The following MAPK4 variants were observed in gnomAD, a reference collection of about 807,000 sequenced individuals.
The protein encoded by MAPK4 is Erk3-related.
Under a neutral mutation model 47.7 loss-of-function variants are expected in MAPK4, and 22 were observed. That is an observed-to-expected ratio of 0.46 (90% CI 0.33 to 0.66). MAPK4 has a LOEUF of 0.66. MAPK4 is among the 30% of genes least tolerant of loss of function. MAPK4 has a pLI of 0.02. For missense variants in MAPK4, 736 were observed against 831.7 expected, an observed-to-expected ratio of 0.88 and a Z score of 1.42; for synonymous variants, 390 against 365.7, an observed-to-expected ratio of 1.07 and a Z score of -0.76.
Position 50,701,987 on chromosome 18 carries a change from C to G in MAPK4, c.547-13092C>G, listed in dbSNP as rs576606292. Among the ~76,000 whole-genome samples, 35 of 151,712 alleles carry G rather than the reference C, an allele frequency of 2.3e-4. No individual in the cohort carries two copies. In the Middle Eastern group the frequency reaches 0.014, roughly 59 times the overall value. ...ACCAGCCTGGGCAACATAGTGAAAC[C>G]CTGTCTCTACTAAAAACAGAAAAAA... On this transcript the variant is annotated intron_variant, in intron 2 of 5. Coordinates refer to ENST00000400384, the MANE Select transcript of MAPK4 (RefSeq NM_002747.4).
intron 1 of MAPK4, among the ~76,000 whole-genome samples, chr18:50,564,211 CT>C (rs1341434711): frequency 9.0e-5 from 10 of 111,086 alleles, no homozygotes; most frequent in Non-Finnish European, 1.9e-4. Flanking sequence ...AAGTTTAAAG[CT>C]TTATCGTTTG....
chr18:50,611,641 G>T (rs2042634957), intron 1 of MAPK4, among the ~76,000 whole-genome samples: 1 of 152,220 alleles, frequency 6.6e-6, no homozygotes, highest in Non-Finnish European at 1.5e-5. Flanking sequence ...TTGTTCCCTG[G>T]CCTCAGGGAA....
intron 2 of MAPK4, among the ~76,000 whole-genome samples, chr18:50,696,344 G>A (rs1449503737): frequency 6.6e-6 from 1 of 152,226 alleles, no homozygotes; most frequent in Non-Finnish European, 1.5e-5. Context: ...ATACAGGACA[G>A]GGGAACTGTA....
At chr18:50,595,256 G>A (rs78645524) in intron 1 of MAPK4, among the ~76,000 whole-genome samples, 3,982 of 152,282 alleles carry the variant, frequency 0.026, 168 homozygotes, top group African/African-American at 0.09. Context: ...AATGTTTATA[G>A]CAGCTTATTC....
chr18:50,640,704 G>T (rs561066994), intron 1 of MAPK4, among the ~76,000 whole-genome samples: 2 of 152,282 alleles, frequency 1.3e-5, no homozygotes, highest in Non-Finnish European at 2.9e-5. Context: ...GACCTCAGGT[G>T]ATCCACCCGC....
intron 1 of MAPK4, among the ~76,000 whole-genome samples, chr18:50,637,317 C>T (rs1487046879): frequency 6.6e-6 from 1 of 152,164 alleles, no homozygotes; most frequent in Non-Finnish European, 1.5e-5. Flanking sequence ...ATTCCATCTA[C>T]AAGCAAACAA....
chr18:50,564,021 T>C (rs1443817936), intron 1 of MAPK4, among the ~76,000 whole-genome samples: 2 of 152,126 alleles, frequency 1.3e-5, no homozygotes, highest in African/African-American at 4.8e-5. Context: ...AAAGTGACTT[T>C]CTTGGTGCTC....
rs540759822 is a variant in MAPK4 at position 50,580,733 on chromosome 18, C to T, written c.-871+20490C>T. On this transcript the variant is annotated intron_variant, in intron 1 of 5. Transcript: ENST00000400384. ...TTACTGTTGGCCCTGCTCCGTGGAACAGCACTAGAATATAAACTGCCATAT... is the reference window on the plus strand; with the variant it reads ...TTACTGTTGGCCCTGCTCCGTGGAATAGCACTAGAATATAAACTGCCATAT... Among the ~76,000 whole-genome samples the T allele has an allele frequency of 3.3e-5, 5 of 152,330 alleles. No individual in the cohort carries two copies. The East Asian group carries it at 9.6e-4, about 29-fold the overall frequency.
Position 50,720,167 on chromosome 18 carries a change from C to G in MAPK4, c.692-1771C>G, listed in dbSNP as rs925790453. 2.8e-4 allele frequency among the ~76,000 whole-genome samples: 43 copies of G among 152,138 alleles called. 1 individual carries two copies. Among genetic ancestry groups the G allele is most frequent in the Admixed American group, 2.1e-3 (32 of 15,276 alleles). On this transcript the variant is annotated intron_variant, in intron 3 of 5. Transcript: ENST00000400384. ...TAGACTCAGTGTTAAGATGCCTCCC[C>G]CAAGTGACGTCTGTCACAAAGAATC...
At chr18:50,725,822 T>A in intron 4 of MAPK4, 140 bp from the exon 5 acceptor site, 1 of 730,820 alleles carries the variant, frequency 1.4e-6, no homozygotes, top group East Asian at 2.5e-5. Flanking sequence ...ACAAGGGTCT[T>A]GAGAAAGAAA....
At chr18:50,653,800 C>T (rs1431629692) in intron 1 of MAPK4, among the ~76,000 whole-genome samples, 2 of 152,176 alleles carry the variant, frequency 1.3e-5, no homozygotes, top group African/African-American at 4.8e-5. Context: ...ACCTAGGAGG[C>T]CCTCAATAAA....
intron 1 of MAPK4, among the ~76,000 whole-genome samples, chr18:50,597,229 T>C (rs574497801): frequency 6.6e-6 from 1 of 152,308 alleles, no homozygotes; most frequent in African/African-American, 2.4e-5. Flanking sequence ...ACTAAGCACT[T>C]TGTACATGTC....
At chr18:50,642,907 C>T (rs1326144213) in intron 1 of MAPK4, among the ~76,000 whole-genome samples, 1 of 152,226 alleles carries the variant, frequency 6.6e-6, no homozygotes, top group African/African-American at 2.4e-5. Context: ...GCCTGTCCTG[C>T]AGCATATTTG....
At chr18:50,594,242 G>C (rs2042463079) in intron 1 of MAPK4, among the ~76,000 whole-genome samples, 1 of 152,180 alleles carries the variant, frequency 6.6e-6, no homozygotes, top group African/African-American at 2.4e-5. Flanking sequence ...CACTGAGGGT[G>C]GGTCTTCCTC....
At chr18:50,621,910 T>C (rs2042735649) in intron 1 of MAPK4, among the ~76,000 whole-genome samples, 1 of 152,252 alleles carries the variant, frequency 6.6e-6, no homozygotes, top group South Asian at 2.1e-4. Context: ...TCACCATCGC[T>C]CCATGACATT....
intron 1 of MAPK4, among the ~76,000 whole-genome samples, chr18:50,649,057 A>C (rs1221612862): frequency 6.6e-6 from 1 of 152,224 alleles, no homozygotes; most frequent in African/African-American, 2.4e-5. Flanking sequence ...TTTTTGTTTT[A>C]TGTGAGAGAA....
intron 1 of MAPK4, among the ~76,000 whole-genome samples, chr18:50,653,407 G>T (rs1261941345): frequency 2.0e-5 from 3 of 152,206 alleles, no homozygotes; most frequent in Non-Finnish European, 2.9e-5. Context: ...AAGGATGTCA[G>T]TTCCCAAGAT....
intron 1 of MAPK4, among the ~76,000 whole-genome samples, chr18:50,575,237 GTCACCTTGGAAGCAGAGA>G (rs1204287819): frequency 2.0e-5 from 3 of 152,202 alleles, no homozygotes; most frequent in Non-Finnish European, 4.4e-5. Context: ...GGTTCAAGGT[GTCACCTTGGAAGCAGAGA>G]CTAGACCCTC....
At chr18:50,697,669 G>A (rs1909584463) in intron 2 of MAPK4, among the ~76,000 whole-genome samples, 1 of 152,190 alleles carries the variant, frequency 6.6e-6, no homozygotes, top group Non-Finnish European at 1.5e-5. Context: ...AATGGGCAGG[G>A]GACAGGGGAA....
Sources: allele counts gnomAD v4.1 joint callset (sites outside exome capture counted in the v4.1 genomes callset), GRCh38; gene constraint gnomAD v4.1.1; transcripts MANE v1.5; gene names NCBI Gene and HGNC (gene_info 2026-07-23, HGNC 2026-07-21).